The following CRADD variants were observed in gnomAD, a reference collection of about 807,000 sequenced individuals.
CRADD encodes the protein death domain-containing protein CRADD.
CRADD carries 9 observed loss-of-function variants against 15.5 expected under a neutral mutation model. The observed-to-expected ratio is 0.58, with a 90% CI of 0.35 to 1.01. CRADD has a LOEUF of 1.01. CRADD is among the 50% of genes least tolerant of loss of function. The pLI, the probability that CRADD is intolerant of heterozygous loss-of-function variation, is 0.02. For missense variants in CRADD, 227 were observed against 250.3 expected (o/e 0.91, Z 0.63); for synonymous variants, 118 against 107.6 (o/e 1.10, Z -0.60).
At chr12:93,767,688 A>C (rs954523833) in intron 2 of CRADD, among the ~76,000 whole-genome samples, 1 of 152,216 alleles carries the variant, frequency 6.6e-6, no homozygotes. Context: ...TTATGCATTT[A>C]ATTTAAAAGC....
intron 2 of CRADD, among the ~76,000 whole-genome samples, chr12:93,872,006 G>T (rs955307626): frequency 2.6e-5 from 4 of 152,150 alleles, no homozygotes; most frequent in Admixed American, 2.6e-4. Flanking sequence ...CATAGTGGTT[G>T]TACTAATTCA....
At chr12:93,769,939 G>T (rs1444173004) in intron 2 of CRADD, among the ~76,000 whole-genome samples, 2 of 152,060 alleles carry the variant, frequency 1.3e-5, no homozygotes, top group Non-Finnish European at 2.9e-5. Flanking sequence ...TCCACTCTGT[G>T]GCTTGCCTTT....
At chr12:93,851,898 A>G (rs1320954286), downstream of CRADD, among the ~76,000 whole-genome samples, 2 of 152,204 alleles carry the variant, frequency 1.3e-5, no homozygotes, top group Admixed American at 1.3e-4. Flanking sequence ...AAAAGATGAC[A>G]ATAGTGTGTG....
chr12:93,720,732 C>T (rs2136886781), intron 2 of CRADD, among the ~76,000 whole-genome samples: 1 of 152,304 alleles, frequency 6.6e-6, no homozygotes, highest in South Asian at 2.1e-4. Flanking sequence ...TGTAGCTACT[C>T]CCACTTGCTT....
At chr12:93,691,105 G>A (rs1028979457) in intron 2 of CRADD, among the ~76,000 whole-genome samples, 1 of 152,062 alleles carries the variant, frequency 6.6e-6, no homozygotes, top group African/African-American at 2.4e-5. Flanking sequence ...AATTAGTTAT[G>A]TGCTACGGGC....
intron 2 of CRADD, among the ~76,000 whole-genome samples, chr12:93,818,036 C>G (rs1051627664): frequency 6.6e-6 from 1 of 152,216 alleles, no homozygotes; most frequent in Admixed American, 6.5e-5. Context: ...AAGGGATTCC[C>G]AGACCCAGAG....
chr12:93,708,395 C>T (rs1006561713), intron 2 of CRADD: 1 of 152,196 alleles, frequency 6.6e-6, no homozygotes, highest in Non-Finnish European at 1.5e-5. Flanking sequence ...CCTACAAGTC[C>T]CTTTGAGATC....
intron 2 of CRADD, among the ~76,000 whole-genome samples, chr12:93,702,595 T>C (rs1345401290): frequency 2.0e-5 from 3 of 151,464 alleles, no homozygotes; most frequent in South Asian, 2.1e-4. Context: ...TTACGAGATA[T>C]AATGCTCTAA....
intron 2 of CRADD, among the ~76,000 whole-genome samples, chr12:93,827,812 G>C (rs1957841157): frequency 6.6e-6 from 1 of 152,154 alleles, no homozygotes; most frequent in South Asian, 2.1e-4. Flanking sequence ...TAGGTACAAT[G>C]TTACAGATCC....
intron 2 of CRADD, among the ~76,000 whole-genome samples, chr12:93,748,844 G>C (rs1956798537): frequency 6.6e-6 from 1 of 152,170 alleles, no homozygotes; most frequent in South Asian, 2.1e-4. Flanking sequence ...GGCTTACCCA[G>C]AGCTGTTCAC....
intron 2 of CRADD, among the ~76,000 whole-genome samples, chr12:93,841,508 G>T (rs1225315212): frequency 1.3e-5 from 2 of 152,140 alleles, no homozygotes; most frequent in Admixed American, 6.5e-5. Flanking sequence ...TGGGCCTAGG[G>T]CTCTTTGTCA....
intron 2 of CRADD, among the ~76,000 whole-genome samples, chr12:93,865,302 G>A (rs1203381928): frequency 6.6e-6 from 1 of 152,112 alleles, no homozygotes; most frequent in African/African-American, 2.4e-5. Context: ...GTCCTCCCTT[G>A]GTATCCATGG....
At chr12:93,879,216 A>G (rs1958478275) in intron 2 of CRADD, among the ~76,000 whole-genome samples, 1 of 151,884 alleles carries the variant, frequency 6.6e-6, no homozygotes, top group South Asian at 2.1e-4. Context: ...TTAGTTTTTA[A>G]AGATTTCTTT....
At chr12:93,817,798 G>A (rs998649623) in intron 2 of CRADD, among the ~76,000 whole-genome samples, 4 of 152,020 alleles carry the variant, frequency 2.6e-5, no homozygotes, top group African/African-American at 9.7e-5. Context: ...CACTCTCCTC[G>A]CACTTGGTCA....
chr12:93,772,611 G>A (rs989252734), intron 2 of CRADD, among the ~76,000 whole-genome samples: 11 of 152,188 alleles, frequency 7.2e-5, no homozygotes, highest in African/African-American at 2.7e-4. Flanking sequence ...TCTTAATGAT[G>A]TTAGATTGAC....
intron 2 of CRADD, among the ~76,000 whole-genome samples, chr12:93,706,133 T>C (rs1014999958): frequency 6.6e-5 from 10 of 152,262 alleles, no homozygotes; most frequent in Non-Finnish European, 1.5e-4. Flanking sequence ...TTTATTGTTG[T>C]TATTGCTAAT....
chr12:93,891,738 G>A (rs969979160), intron 2 of CRADD, among the ~76,000 whole-genome samples: 4 of 152,122 alleles, frequency 2.6e-5, no homozygotes, highest in African/African-American at 9.7e-5. Context: ...AGAACAGGCT[G>A]AGGTTCAGTA....
intron 2 of CRADD, among the ~76,000 whole-genome samples, chr12:93,793,605 C>T (rs1212603254): frequency 1.3e-5 from 2 of 152,074 alleles, no homozygotes; most frequent in Admixed American, 1.3e-4. Flanking sequence ...TTTTTCATAA[C>T]AAATAGTACT....
At chr12:93,718,718 T>C (rs574346249) in intron 2 of CRADD, among the ~76,000 whole-genome samples, 1 of 152,194 alleles carries the variant, frequency 6.6e-6, no homozygotes, top group Admixed American at 6.5e-5. Context: ...ATAACGGACA[T>C]CCTTGCCTGG....
Sources: gnomAD v4.1 joint callset for allele counts (sites outside exome capture counted in the v4.1 genomes callset) on GRCh38, gnomAD v4.1.1 for gene constraint, MANE v1.5 for transcripts, NCBI Gene and HGNC (gene_info 2026-07-23, HGNC 2026-07-21) for gene names.